The following OCA2 variants were observed in gnomAD, a reference collection of about 807,000 sequenced individuals.
The protein encoded by OCA2 is OCA2 melanosomal transmembrane protein.
In OCA2, 77 loss-of-function variants were observed where a neutral mutation model predicts 100.2. The observed-to-expected ratio is 0.77, with a 90% CI of 0.64 to 0.93. The LOEUF is 0.93. Among genes scored for constraint, OCA2 ranks in the 40% least tolerant of loss-of-function variants. The pLI is 0.00. For missense variants in OCA2, 1,062 were observed against 1,089.1 expected (o/e 0.98, Z 0.35); for synonymous variants, 432 against 439.2 (o/e 0.98, Z 0.21).
At chr15:28,017,217 G>T (rs1216174837) in intron 7 of OCA2, among the ~76,000 whole-genome samples, 1 of 152,192 alleles carries the variant, frequency 6.6e-6, no homozygotes, top group Non-Finnish European at 1.5e-5. Flanking sequence ...TTTGCAAAGA[G>T]CGTATCTGGG....
chr15:28,049,982 A>G (rs961630974), intron 2 of OCA2, among the ~76,000 whole-genome samples: 32 of 152,238 alleles, frequency 2.1e-4, no homozygotes, highest in Admixed American at 3.3e-4. Context: ...CACACTAAAA[A>G]TAATTGAAAA....
At chr15:27,831,304 A>AAAAAAAAAAAAAAAAC (rs2034946047) in intron 23 of OCA2, among the ~76,000 whole-genome samples, 1 of 151,126 alleles carries the variant, frequency 6.6e-6, no homozygotes, top group Non-Finnish European at 1.5e-5. Context: ...AAAAAAAAAA[A>AAAAAAAAAAAAAAAAC]AATCGGTCTG....
chr15:28,038,048 TTC>T (rs1430057848), intron 2 of OCA2, among the ~76,000 whole-genome samples: 1 of 152,190 alleles, frequency 6.6e-6, no homozygotes, highest in African/African-American at 2.4e-5. Flanking sequence ...CCTTCGCTAT[TTC>T]TCTTTCTGTA....
At chr15:28,019,769 C>G (rs934067326) in intron 6 of OCA2, among the ~76,000 whole-genome samples, 4 of 152,106 alleles carry the variant, frequency 2.6e-5, no homozygotes, top group Admixed American at 6.5e-5. Context: ...TCCTACCTCA[C>G]GCCTATACTG....
chr15:28,074,276 C>T (rs1320868972), intron 2 of OCA2, among the ~76,000 whole-genome samples: 21 of 152,236 alleles, frequency 1.4e-4, no homozygotes, highest in African/African-American at 4.6e-4. Flanking sequence ...CGGTAGCTCA[C>T]GCCTGTAATC....
At chr15:27,871,290 C>G (rs1389401843) in intron 20 of OCA2, 32 bp from the exon 21 acceptor site, 2 of 1,534,944 alleles carry the variant, frequency 1.3e-6, no homozygotes, top group Admixed American at 3.3e-5. Context: ...CTGCAGTGTT[C>G]CATCGCATGC....
intron 23 of OCA2, among the ~76,000 whole-genome samples, chr15:27,785,958 C>T (rs1266655824): frequency 6.6e-6 from 1 of 152,156 alleles, no homozygotes; most frequent in East Asian, 1.9e-4. Context: ...ACCTCAAAAG[C>T]ATTACGCTAA....
intron 4 of OCA2, among the ~76,000 whole-genome samples, chr15:28,026,584 T>C (rs1008410559): frequency 1.1e-4 from 17 of 152,142 alleles, no homozygotes; most frequent in African/African-American, 2.7e-4. Context: ...ATGTGGGGGA[T>C]CTAGGGTCGA....
chr15:28,013,777 G>T (rs1056044197), intron 9 of OCA2, among the ~76,000 whole-genome samples: 12 of 152,170 alleles, frequency 7.9e-5, no homozygotes, highest in African/African-American at 2.9e-4. Flanking sequence ...CCCTGAGCCT[G>T]CGAGTTCCTG....
intron 23 of OCA2, among the ~76,000 whole-genome samples, chr15:27,791,756 A>T (rs1283054207): frequency 1.3e-5 from 2 of 152,200 alleles, no homozygotes; most frequent in Non-Finnish European, 2.9e-5. Flanking sequence ...GCCCCAGCAG[A>T]GGGACTCTTG....
At chr15:27,839,341 T>G (rs1426609488) in intron 23 of OCA2, among the ~76,000 whole-genome samples, 1 of 152,138 alleles carries the variant, frequency 6.6e-6, no homozygotes, top group Non-Finnish European at 1.5e-5. Flanking sequence ...ACATAAAACC[T>G]ATAATATGGA....
intron 23 of OCA2, among the ~76,000 whole-genome samples, chr15:27,784,277 C>T (rs528291581): frequency 2.2e-4 from 33 of 152,170 alleles, no homozygotes; most frequent in Non-Finnish European, 3.7e-4. Flanking sequence ...CAAGGTACCA[C>T]GAGAGGAATC....
intron 21 of OCA2, among the ~76,000 whole-genome samples, chr15:27,870,904 G>A (rs2036540380): frequency 6.6e-6 from 1 of 152,176 alleles, no homozygotes; most frequent in African/African-American, 2.4e-5. Flanking sequence ...CAGTGGGGCT[G>A]ACCTCGAGAT....
At chr15:27,924,353 C>A (rs2038970755) in intron 19 of OCA2, among the ~76,000 whole-genome samples, 1 of 151,974 alleles carries the variant, frequency 6.6e-6, no homozygotes, top group South Asian at 2.1e-4. Context: ...ATAAGTAGAC[C>A]CATGCAGTTC....
intron 2 of OCA2, among the ~76,000 whole-genome samples, chr15:28,050,091 C>G (rs1172866238): frequency 2.0e-5 from 3 of 151,794 alleles, no homozygotes; most frequent in Non-Finnish European, 2.9e-5. Context: ...CCAGCCTGGG[C>G]AACATAGCAA....
At chr15:28,082,751 A>G (rs2044689141) in intron 1 of OCA2, among the ~76,000 whole-genome samples, 1 of 152,182 alleles carries the variant, frequency 6.6e-6, no homozygotes, top group Non-Finnish European at 1.5e-5. Flanking sequence ...GAAAGTGCCC[A>G]CGGGGGTCCT....
intron 12 of OCA2, 51 bp downstream of exon 12, chr15:27,986,536 A>G (rs773712210): frequency 9.4e-7 from 1 of 1,062,724 alleles, no homozygotes; most frequent in East Asian, 2.4e-5. Flanking sequence ...TCAGAAAAAT[A>G]CATATATAAA....
chr15:28,059,377 A>T (rs2043802353), intron 2 of OCA2, among the ~76,000 whole-genome samples: 1 of 152,210 alleles, frequency 6.6e-6, no homozygotes, highest in African/African-American at 2.4e-5. Flanking sequence ...CCTTATTAAA[A>T]TCATCAGAAG....
chr15:28,058,122 C>T (rs2043760377), intron 2 of OCA2, among the ~76,000 whole-genome samples: 1 of 152,170 alleles, frequency 6.6e-6, no homozygotes, highest in Admixed American at 6.5e-5. Context: ...AACTGACCCT[C>T]AAAGCTTGAG....
Sources: allele counts gnomAD v4.1 joint callset (sites outside exome capture counted in the v4.1 genomes callset), GRCh38; gene constraint gnomAD v4.1.1; transcripts MANE v1.5; gene names NCBI Gene and HGNC (gene_info 2026-07-23, HGNC 2026-07-21).